The following USO1 variants were observed in gnomAD, a reference collection of about 807,000 sequenced individuals.
USO1 encodes the protein general vesicular transport factor p115.
Under a neutral mutation model 124.5 loss-of-function variants are expected in USO1, and 57 were observed. The ratio of observed to expected loss-of-function variants is 0.46; its 90% CI spans 0.37 to 0.57. The LOEUF is 0.57. USO1 is among the 20% of genes least tolerant of loss of function. The probability of loss-of-function intolerance (pLI) is 0.00; values close to 1 mark genes in which losing one functional copy is unlikely to be tolerated. For synonymous variants in USO1, 369 were observed against 362.8 expected, an observed-to-expected ratio of 1.02 and a Z score of -0.19; for missense variants, 900 against 1,040.6, an observed-to-expected ratio of 0.86 and a Z score of 1.86.
chr4:75,724,791 G>T lies in USO1; in HGVS notation c.-29G>T. 2 of 1,613,026 alleles carry T rather than the reference G, an allele frequency of 1.2e-6. No individual in the cohort carries two copies. The highest frequency in any genetic ancestry group is 1.7e-4 in the Middle Eastern group (1 of 5,970). Reference sequence around the variant, plus strand: ...GTTGTCTTCTTTTTTTTCCGGAGGGGCCGGTAAACCTGGTGGCTGAACGGC... The same window carrying T: ...GTTGTCTTCTTTTTTTTCCGGAGGGTCCGGTAAACCTGGTGGCTGAACGGC... On this transcript the variant is annotated 5_prime_UTR_variant, in exon 1 of 24. Transcript: ENST00000514213.
intron 8 of USO1, among the ~76,000 whole-genome samples, chr4:75,780,143 C>CTG (rs769517939): frequency 2.0e-5 from 3 of 152,118 alleles, no homozygotes; most frequent in Non-Finnish European, 2.9e-5. Context: ...TCTTACACTT[C>CTG]TGTGTAAGAG....
intron 1 of USO1, among the ~76,000 whole-genome samples, chr4:75,727,113 A>G (rs370755457): frequency 6.6e-5 from 10 of 152,206 alleles, no homozygotes; most frequent in African/African-American, 1.9e-4. Context: ...TGGCCTTGTC[A>G]CAGTGACTTC....
At chr4:75,786,216 G>T (rs1269701823) in intron 9 of USO1, among the ~76,000 whole-genome samples, 1 of 152,088 alleles carries the variant, frequency 6.6e-6, no homozygotes, top group African/African-American at 2.4e-5. Flanking sequence ...TCAATCCATA[G>T]ATCACAATAT....
chr4:75,807,304 CCT>C (rs1202191951), intron 20 of USO1, among the ~76,000 whole-genome samples: 5 of 151,728 alleles, frequency 3.3e-5, no homozygotes, highest in Admixed American at 3.3e-4. Context: ...TTTCTTTCCT[CCT>C]CTCTTTTCTT....
At position 75,772,602 on chromosome 4, in the gene USO1, GTATC is replaced by G. The variant is rs563243239; in HGVS notation, c.555+1473_555+1476del. On this transcript the variant is annotated intron_variant, in intron 7 of 23. Transcript: ENST00000514213. Reference sequence around the variant, plus strand: ...TTTAAGAAATGTCTTATTTAACTAGGTATCTATCTATTAGAAATTTGGGGTATCT... The same window carrying G: ...TTTAAGAAATGTCTTATTTAACTAGGTATCTATTAGAAATTTGGGGTATCT... 7.9e-5 allele frequency among the ~76,000 whole-genome samples: 12 copies of G among 151,990 alleles called. No individual in the cohort carries two copies. In the South Asian group the frequency reaches 2.1e-3, roughly 26 times the overall value.
chr4:75,807,092 T>G lies in USO1; in HGVS notation c.2376+520T>G, dbSNP rs185572266. 8.7e-4 allele frequency among the ~76,000 whole-genome samples: 132 copies of G among 152,230 alleles called. 1 individual carries two copies. The highest frequency in any genetic ancestry group is 3.0e-3 in the African/African-American group (125 of 41,574). ...CATCTAGAAAAGCAAGTTAAACTTT[T>G]TTCTACTTGCTTATAGTATTTATAA... On this transcript the variant is annotated intron_variant, in intron 20 of 23. Transcript: ENST00000514213.
chr4:75,786,537 AGGGATTTAATT>A (rs1387889148), intron 9 of USO1, among the ~76,000 whole-genome samples: 10 of 152,332 alleles, frequency 6.6e-5, no homozygotes, highest in African/African-American at 2.4e-4. Flanking sequence ...ATAGAATCAT[AGGGATTTAATT>A]GGCATTAGCA....
intron 3 of USO1, among the ~76,000 whole-genome samples, chr4:75,755,914 T>G (rs964672970): frequency 1.1e-4 from 16 of 152,160 alleles, no homozygotes; most frequent in African/African-American, 2.9e-4. Context: ...CTCATGCCTG[T>G]AATCCCAGCA....
intron 8 of USO1, among the ~76,000 whole-genome samples, chr4:75,780,277 T>A (rs1739676934): frequency 6.6e-6 from 1 of 151,996 alleles, no homozygotes; most frequent in South Asian, 2.1e-4. Flanking sequence ...ACTGTTTTCT[T>A]TTTTTTTGAG....
intron 1 of USO1, among the ~76,000 whole-genome samples, chr4:75,738,451 C>T (rs188216313): frequency 4.2e-4 from 63 of 148,468 alleles, no homozygotes; most frequent in Non-Finnish European, 6.2e-4. Flanking sequence ...AGTGAGACTT[C>T]GTCTCAAAAA....
chr4:75,727,977 A>G (rs1261050660), intron 1 of USO1, among the ~76,000 whole-genome samples: 1 of 152,140 alleles, frequency 6.6e-6, no homozygotes, highest in Non-Finnish European at 1.5e-5. Context: ...GGCAGGGTTC[A>G]TAATGTATTT....
rs1356894076 is a variant in USO1 at position 75,809,034 on chromosome 4, C to G, written c.2458C>G (p.Gln820Glu). 4 of 1,598,836 alleles carry G rather than the reference C, an allele frequency of 2.5e-6. No individual in the cohort carries two copies. Among genetic ancestry groups the G allele is most frequent in the South Asian group, 1.1e-5 (1 of 87,460 alleles). The stretch of plus-strand genomic sequence containing the variant: ...ACAGACAGAAAAGCAGGAACTGTTA[C>G]AGAAAACAGAAGCGTTTGTAAGTAT... ...KLQTEKQELL[Q>E]KTEAFAKSVE... Residue 820 changes from glutamine (Q) to glutamate (E), a missense_variant, in exon 21 of 24, where the codon CAG (glutamine) becomes GAG (glutamate). This residue lies in a region of USO1 where 362 missense variants were observed against 359.0 expected (regional missense o/e 1.01). Transcript: ENST00000514213.
At chr4:75,806,911 A>G (rs1034455974) in intron 20 of USO1, among the ~76,000 whole-genome samples, 5 of 152,156 alleles carry the variant, frequency 3.3e-5, no homozygotes, top group Non-Finnish European at 4.4e-5. Context: ...ATACTATGAT[A>G]ATTGCTTGAC....
intron 1 of USO1, among the ~76,000 whole-genome samples, chr4:75,728,631 CGA>C (rs1197052270): frequency 2.6e-5 from 4 of 152,020 alleles, no homozygotes; most frequent in African/African-American, 9.7e-5. Flanking sequence ...CCAGCCTGGG[CGA>C]GAGAGCGAGA....
chr4:75,770,264 A>G (rs1485090573), intron 4 of USO1, 175 bp from the exon 5 acceptor site: 2 of 427,824 alleles, frequency 4.7e-6, no homozygotes, highest in Non-Finnish European at 7.7e-6. Flanking sequence ...ATGAATTTGA[A>G]CATTATTTTA....
chr4:75,778,363 C>A (rs1346712497), intron 8 of USO1, among the ~76,000 whole-genome samples: 2 of 152,060 alleles, frequency 1.3e-5, no homozygotes, highest in Non-Finnish European at 2.9e-5. Context: ...ATTTACTGTT[C>A]ATTAAGTAAA....
At chr4:75,757,641 G>T (rs1182509904) in intron 4 of USO1, 68 bp downstream of exon 4, 3 of 1,302,382 alleles carry the variant, frequency 2.3e-6, no homozygotes, top group Admixed American at 8.1e-5. Flanking sequence ...TAATTTTGCT[G>T]GTTTTAAAGT....
chr4:75,789,460 A>G (rs2149180599), intron 10 of USO1, among the ~76,000 whole-genome samples: 1 of 152,248 alleles, frequency 6.6e-6, no homozygotes, highest in African/African-American at 2.4e-5. Flanking sequence ...TTTGTAGTAG[A>G]GACAGGGTTT....
chr4:75,789,444 T>G (rs1722465972), intron 10 of USO1, among the ~76,000 whole-genome samples: 1 of 152,118 alleles, frequency 6.6e-6, no homozygotes, highest in African/African-American at 2.4e-5. Context: ...CCCAGCTAAT[T>G]TTGTATTTGT....
Sources: allele counts gnomAD v4.1 joint callset (sites outside exome capture counted in the v4.1 genomes callset), GRCh38; gene constraint gnomAD v4.1.1; regional missense constraint gnomAD v4.1.1; transcripts MANE v1.5; gene names NCBI Gene and HGNC (gene_info 2026-07-23, HGNC 2026-07-21).